The following EPHB1 variants were observed in gnomAD, a reference collection of about 807,000 sequenced individuals.
EPHB1 encodes ephrin type-B receptor 1.
EPHB1 carries 30 observed loss-of-function variants against 94.4 expected under a neutral mutation model. The observed-to-expected ratio is 0.32, with a 90% CI of 0.24 to 0.43. The LOEUF (loss-of-function observed/expected upper bound fraction) is 0.43, where lower values mean the gene tolerates loss of function less well. EPHB1 is among the 20% of genes least tolerant of loss of function. The pLI is 1.00. For synonymous variants in EPHB1, 522 were observed against 489.1 expected, an observed-to-expected ratio of 1.07 and a Z score of -0.89; for missense variants, 1,055 against 1,308.3, an observed-to-expected ratio of 0.81 and a Z score of 2.99.
At chr3:135,136,985 C>T (rs973287631) in intron 5 of EPHB1, among the ~76,000 whole-genome samples, 1 of 152,192 alleles carries the variant, frequency 6.6e-6, no homozygotes, top group African/African-American at 2.4e-5. Flanking sequence ...GCATCTGGCC[C>T]CAGATTCAGA....
At chr3:134,893,015 C>T (rs1014328682) in intron 1 of EPHB1, among the ~76,000 whole-genome samples, 1 of 152,114 alleles carries the variant, frequency 6.6e-6, no homozygotes, top group East Asian at 1.9e-4. Flanking sequence ...CGGTATCAGC[C>T]CTCTGCATCT....
chr3:135,018,506 C>T (rs77146532), intron 3 of EPHB1, among the ~76,000 whole-genome samples: 3,401 of 152,200 alleles, frequency 0.022, 125 homozygotes, highest in African/African-American at 0.078. Context: ...GCAATCCCAC[C>T]CCTTCTTAAA....
chr3:134,902,147 C>T (rs12633209), intron 1 of EPHB1, among the ~76,000 whole-genome samples: 11 of 151,872 alleles, frequency 7.2e-5, no homozygotes, highest in African/African-American at 1.2e-4. Flanking sequence ...AGAAAGGGGG[C>T]GAGACAGTAG....
chr3:135,255,941 C>T (rs547152168), intron 15 of EPHB1, among the ~76,000 whole-genome samples: 197 of 148,642 alleles, frequency 1.3e-3, no homozygotes, highest in African/African-American at 4.6e-3. Flanking sequence ...GTTAGCTCTT[C>T]TTGTTGAATT....
intron 9 of EPHB1, among the ~76,000 whole-genome samples, chr3:135,176,765 A>G (rs1016298072): frequency 6.6e-6 from 1 of 152,190 alleles, no homozygotes; most frequent in African/African-American, 2.4e-5. Context: ...TTAACTCAGA[A>G]TCCTTTCCCA....
chr3:135,158,496 C>T (rs916883093), intron 6 of EPHB1, among the ~76,000 whole-genome samples: 6 of 152,160 alleles, frequency 3.9e-5, no homozygotes, highest in Admixed American at 2.0e-4. Context: ...GGTAGCTGGT[C>T]CATGAGGGCA....
intron 3 of EPHB1, among the ~76,000 whole-genome samples, chr3:135,008,424 G>A (rs1935500430): frequency 6.6e-6 from 1 of 151,926 alleles, no homozygotes; most frequent in African/African-American, 2.4e-5. Flanking sequence ...AAACAGGCTG[G>A]CTACAGAGTG....
chr3:134,860,172 G>GACACACACACAC (rs71139560), intron 1 of EPHB1, among the ~76,000 whole-genome samples: 3 of 139,150 alleles, frequency 2.2e-5, no homozygotes, highest in African/African-American at 5.3e-5. Flanking sequence ...CACACACACA[G>GACACACACACAC]ACACACACAC....
At chr3:135,203,819 G>A (rs916868213) in intron 12 of EPHB1, among the ~76,000 whole-genome samples, 6 of 152,014 alleles carry the variant, frequency 3.9e-5, no homozygotes, top group South Asian at 2.1e-4. Flanking sequence ...CATCATTGCC[G>A]CCAAGATTAC....
At chr3:135,237,969 C>G (rs1943694852) in intron 12 of EPHB1, among the ~76,000 whole-genome samples, 1 of 152,184 alleles carries the variant, frequency 6.6e-6, no homozygotes, top group South Asian at 2.1e-4. Flanking sequence ...TGCTTCCCTC[C>G]ACAGGGCTGG....
At chr3:134,920,081 G>C (rs1180276879) in intron 1 of EPHB1, among the ~76,000 whole-genome samples, 1 of 152,040 alleles carries the variant, frequency 6.6e-6, no homozygotes, top group Non-Finnish European at 1.5e-5. Context: ...TAGTTGCATG[G>C]TTATTGGAAA....
At chr3:134,873,126 C>T (rs2037537853) in intron 1 of EPHB1, among the ~76,000 whole-genome samples, 1 of 152,056 alleles carries the variant, frequency 6.6e-6, no homozygotes, top group Non-Finnish European at 1.5e-5. Context: ...TTTAACTACC[C>T]GTGCTGTGAC....
At chr3:135,061,365 A>ACCCCC (rs370135981) in intron 3 of EPHB1, among the ~76,000 whole-genome samples, 1 of 40,854 alleles carries the variant, frequency 2.4e-5, no homozygotes, top group Admixed American at 3.1e-4. Context: ...CTTAGGAATG[A>ACCCCC]CCACCCCCCC....
At chr3:135,029,588 G>T (rs1204244338) in intron 3 of EPHB1, among the ~76,000 whole-genome samples, 2 of 150,018 alleles carry the variant, frequency 1.3e-5, no homozygotes, top group Non-Finnish European at 1.5e-5. Flanking sequence ...TCTGCCGAGA[G>T]ATCCGCTGTT....
At chr3:135,207,735 AC>A (rs1351919269) in intron 12 of EPHB1, among the ~76,000 whole-genome samples, 1 of 152,232 alleles carries the variant, frequency 6.6e-6, no homozygotes, top group Non-Finnish European at 1.5e-5. Context: ...GATGGCTTAA[AC>A]AGCGGTCATT....
chr3:135,117,512 C>T (rs553208727), intron 4 of EPHB1, among the ~76,000 whole-genome samples: 1 of 152,322 alleles, frequency 6.6e-6, no homozygotes, highest in Admixed American at 6.5e-5. Context: ...GCTTATGATT[C>T]CCTCTACCCT....
chr3:134,846,617 C>T (rs988367993), intron 1 of EPHB1, among the ~76,000 whole-genome samples: 1 of 152,116 alleles, frequency 6.6e-6, no homozygotes, highest in Non-Finnish European at 1.5e-5. Context: ...TCTGCTCCTG[C>T]CTGAGGGTGG....
At chr3:134,956,513 T>C (rs920587780) in intron 3 of EPHB1, among the ~76,000 whole-genome samples, 2 of 152,084 alleles carry the variant, frequency 1.3e-5, no homozygotes, top group Non-Finnish European at 2.9e-5. Context: ...TGCCAACTTA[T>C]GGTGCCTAGG....
intron 3 of EPHB1, among the ~76,000 whole-genome samples, chr3:135,073,744 T>C (rs2107783178): frequency 6.6e-6 from 1 of 152,346 alleles, no homozygotes; most frequent in Middle Eastern, 3.4e-3. Context: ...CTTTTTAGTC[T>C]CTTTTAATCT....
Sources: gnomAD v4.1 joint callset for allele counts (sites outside exome capture counted in the v4.1 genomes callset) on GRCh38, gnomAD v4.1.1 for gene constraint, MANE v1.5 for transcripts, NCBI Gene and HGNC (gene_info 2026-07-23, HGNC 2026-07-21) for gene names.